The following CYFIP1 variants were observed in gnomAD, a reference collection of about 807,000 sequenced individuals.
The protein encoded by CYFIP1 is cytoplasmic FMR1-interacting protein 1.
CYFIP1 carries 58 observed loss-of-function variants against 163.5 expected under a neutral mutation model. The ratio of observed to expected loss-of-function variants is 0.35; its 90% CI spans 0.29 to 0.44. The LOEUF (loss-of-function observed/expected upper bound fraction) is 0.44, where lower values mean the gene tolerates loss of function less well. Among genes scored for constraint, CYFIP1 ranks in the 20% least tolerant of loss-of-function variants. CYFIP1 has a pLI of 1.00. For missense variants in CYFIP1, 1,338 were observed against 1,653.8 expected, an observed-to-expected ratio of 0.81 and a Z score of 3.31; for synonymous variants, 663 against 660.7, an observed-to-expected ratio of 1.00 and a Z score of -0.05.
At chr15:22,915,128 G>T in intron 16 of CYFIP1, 4 of 345,846 alleles carry the variant, frequency 1.2e-5, no homozygotes, top group Admixed American at 5.3e-5. Context: ...GGGGGAAAGT[G>T]TCTTTTTTTT....
chr15:22,977,347 A>G (rs954902121), intron 1 of CYFIP1, among the ~76,000 whole-genome samples: 1 of 152,162 alleles, frequency 6.6e-6, no homozygotes, highest in African/African-American at 2.4e-5. Flanking sequence ...AAATAGGGAC[A>G]ATTTTCCCTT....
rs1260926135 is a variant in CYFIP1 at position 22,917,614 on chromosome 15, C to T, written c.1674+174G>A. ...AATCAAGGCACGTCTCCTCACGCTC[C>T]CAACTCACTTGGGTGGGAAACAGAG... On this transcript the variant is annotated intron_variant, in intron 15 of 30. Coordinates refer to ENST00000617928, the MANE Select transcript of CYFIP1 (RefSeq NM_014608.6). This position sits in a 1 kb window ranked among gnomAD's most constrained non-coding sequence, Gnocchi z 4.2. 3 of 791,866 alleles carry T rather than the reference C, an allele frequency of 3.8e-6. No homozygotes were observed. The highest frequency in any genetic ancestry group is 1.8e-5 in the African/African-American group (1 of 56,110). 49.1% of individuals were successfully genotyped at this position (791,866 alleles called of 1,614,324 possible).
intron 14 of CYFIP1, among the ~76,000 whole-genome samples, chr15:22,918,252 G>C (rs1566970971): frequency 6.6e-6 from 1 of 152,172 alleles, no homozygotes; most frequent in Admixed American, 6.5e-5. Context: ...CCTCCGCACG[G>C]AGCAGAGCTG....
At chr15:22,913,684 C>T (rs1226733199) in intron 17 of CYFIP1, among the ~76,000 whole-genome samples, 1 of 150,970 alleles carries the variant, frequency 6.6e-6, no homozygotes, top group Non-Finnish European at 1.5e-5. Context: ...CCAGCATGGC[C>T]CATGGTTGAA....
At chr15:22,978,792 C>G (rs904315476) in intron 1 of CYFIP1, among the ~76,000 whole-genome samples, 1 of 151,966 alleles carries the variant, frequency 6.6e-6, no homozygotes, top group Non-Finnish European at 1.5e-5. Flanking sequence ...TTATGCTAAG[C>G]GAAACAAGCC....
At chr15:22,889,637 C>T (rs1037435732) in intron 23 of CYFIP1, among the ~76,000 whole-genome samples, 4 of 152,306 alleles carry the variant, frequency 2.6e-5, no homozygotes, top group African/African-American at 4.8e-5. Context: ...GCCTACCCCC[C>T]GCCTGCCTCC....
chr15:22,902,082 T>A (rs1203337637), intron 22 of CYFIP1, among the ~76,000 whole-genome samples: 4 of 152,210 alleles, frequency 2.6e-5, no homozygotes, highest in Non-Finnish European at 5.9e-5. Flanking sequence ...AGGCAGCAGC[T>A]CTGGGTCTCT....
chr15:22,870,274 A>G, intron 30 of CYFIP1, 82 bp from the exon 31 acceptor site: 1 of 1,470,142 alleles, frequency 6.8e-7, no homozygotes, highest in Non-Finnish European at 9.2e-7. Context: ...GGATTCTTAT[A>G]TTTTCTCAGA....
At chr15:22,934,879 G>C (rs1329753060) in intron 9 of CYFIP1, among the ~76,000 whole-genome samples, 1 of 150,342 alleles carries the variant, frequency 6.7e-6, no homozygotes, top group African/African-American at 2.4e-5. Context: ...AAAAAAAAAT[G>C]CATCAGTAAA....
intron 1 of CYFIP1, among the ~76,000 whole-genome samples, chr15:22,978,440 T>C (rs776454695): frequency 6.8e-6 from 1 of 147,602 alleles, no homozygotes; most frequent in Non-Finnish European, 1.5e-5. Flanking sequence ...AGACTATATA[T>C]ATCAACATGT....
chr15:22,886,103 G>A (rs72622092), intron 23 of CYFIP1, among the ~76,000 whole-genome samples: 6,486 of 152,192 alleles, frequency 0.043, 458 homozygotes, highest in East Asian at 0.38. Context: ...TGAGAAGAGA[G>A]AGCAAGGGGG....
Position 22,933,788 on chromosome 15 carries a change from T to C in CYFIP1, c.992+14A>G. The C allele has an allele frequency of 6.2e-7, 1 of 1,604,534 alleles. No homozygotes were observed. Among genetic ancestry groups the C allele is most frequent in the Middle Eastern group, 1.7e-4 (1 of 6,034 alleles). On this transcript the variant is annotated intron_variant, in intron 10 of 30. Coordinates refer to ENST00000617928, the MANE Select transcript of CYFIP1 (RefSeq NM_014608.6). The stretch of plus-strand genomic sequence containing the variant: ...GCCGAAAGCTCAAACCAGGCAGCTT[T>C]CCTCTCCTCCTACCGAGATTTATTT...
chr15:22,948,902 T>A (rs949720312), intron 1 of CYFIP1, among the ~76,000 whole-genome samples: 14 of 150,586 alleles, frequency 9.3e-5, no homozygotes. Context: ...AAAAAAAGAT[T>A]GAAAAAATTT....
intron 25 of CYFIP1, among the ~76,000 whole-genome samples, chr15:22,881,063 G>A (rs888576671): frequency 1.6e-4 from 24 of 152,154 alleles, no homozygotes; most frequent in Admixed American, 1.6e-3. Flanking sequence ...CTTCCCCATG[G>A]TGGCTGAGGG....
chr15:22,890,119 T>C (rs1016434082), intron 23 of CYFIP1, among the ~76,000 whole-genome samples: 1 of 151,052 alleles, frequency 6.6e-6, no homozygotes, highest in Admixed American at 6.6e-5. Context: ...CTGGCCAACA[T>C]GGTGAAACCC....
Position 22,970,342 on chromosome 15 carries a change from T to C in CYFIP1, c.-7+9945A>G, listed in dbSNP as rs536807747. On this transcript the variant is annotated intron_variant, in intron 1 of 30. Coordinates refer to ENST00000617928, the MANE Select transcript of CYFIP1 (RefSeq NM_014608.6). ...ATCTTTGTTAATGGATTGGAAGACA[T>C]AATATTGTTAAGATGACAATACAAT... is the stretch of plus-strand genomic sequence containing the variant. Among the ~76,000 whole-genome samples the C allele has an allele frequency of 2.6e-5, 4 of 152,292 alleles. No individual in the cohort carries two copies. In the East Asian group the frequency reaches 7.7e-4, roughly 29 times the overall value.
chr15:22,928,816 C>T (rs960068945), intron 11 of CYFIP1, among the ~76,000 whole-genome samples: 1 of 152,026 alleles, frequency 6.6e-6, no homozygotes, highest in African/African-American at 2.4e-5. Flanking sequence ...AATGCAATGC[C>T]TAGAAGTCAA....
intron 22 of CYFIP1, among the ~76,000 whole-genome samples, chr15:22,899,355 T>C (rs970443367): frequency 7.2e-5 from 11 of 152,284 alleles, no homozygotes; most frequent in African/African-American, 2.4e-4. Flanking sequence ...GAAATAAACA[T>C]GCACATTGAT....
At chr15:22,951,406 C>T (rs1288350339) in intron 1 of CYFIP1, 5 of 1,289,086 alleles carry the variant, frequency 3.9e-6, no homozygotes, top group Admixed American at 2.3e-5. Context: ...GGGTCCAGCC[C>T]CAGCGCTGCC....
Sources: gnomAD v4.1 joint callset for allele counts (sites outside exome capture counted in the v4.1 genomes callset) on GRCh38, gnomAD v4.1.1 for gene constraint, Gnocchi (gnomAD v3.1) non-coding constraint, MANE v1.5 for transcripts, NCBI Gene and HGNC (gene_info 2026-07-23, HGNC 2026-07-21) for gene names.